Variants in LRMDA observed in about 807,000 individuals in gnomAD.
LRMDA encodes leucine rich melanocyte differentiation associated, also known as leucine-rich melanocyte differentiation-associated protein.
In LRMDA, 18 loss-of-function variants were observed where a neutral mutation model predicts 29.8. The observed-to-expected ratio is 0.60, with a 90% CI of 0.42 to 0.90. LRMDA has a LOEUF of 0.90. LRMDA is among the 40% of genes least tolerant of loss of function. LRMDA has a pLI of 0.00. For synonymous variants in LRMDA, 125 were observed against 109.4 expected (o/e 1.14, Z -0.89); for missense variants, 273 against 273.9 (o/e 1.00, Z 0.02).
chr10:76,399,980 A>G (rs1841831428), intron 6 of LRMDA, among the ~76,000 whole-genome samples: 1 of 152,076 alleles, frequency 6.6e-6, no homozygotes, highest in Non-Finnish European at 1.5e-5. Flanking sequence ...CCCTTGTGAG[A>G]TCTCCTCCCC....
intron 2 of LRMDA, among the ~76,000 whole-genome samples, chr10:75,457,925 G>T (rs564035018): frequency 3.3e-5 from 5 of 152,096 alleles, no homozygotes; most frequent in Non-Finnish European, 7.4e-5. Flanking sequence ...ACTCTTGCTA[G>T]TTTGAAGCTC....
chr10:75,895,553 T>C (rs1036965924), intron 2 of LRMDA, among the ~76,000 whole-genome samples: 1 of 152,208 alleles, frequency 6.6e-6, no homozygotes, highest in African/African-American at 2.4e-5. Flanking sequence ...TACTGTCTAC[T>C]CTGTTATAGG....
rs533821913 is a variant in LRMDA, at chr10:75,665,877, T to C, written c.131+227383T>C. Among the ~76,000 whole-genome samples, 202 of 152,336 alleles carry C rather than the reference T, an allele frequency of 1.3e-3. 2 individuals are homozygous for C. Among genetic ancestry groups the C allele is most frequent in the African/African-American group, 4.8e-3 (198 of 41,592 alleles). On this transcript the variant is annotated intron_variant, in intron 2 of 6. Transcript: ENST00000611255. The stretch of plus-strand genomic sequence containing the variant: ...CAAATGAATTGTGTGCCCTGTATTA[T>C]GCAATTGTTTCTTGTCCTGTGGATA...
intron 2 of LRMDA, among the ~76,000 whole-genome samples, chr10:75,981,094 T>G (rs1847161741): frequency 6.6e-6 from 1 of 152,258 alleles, no homozygotes; most frequent in South Asian, 2.1e-4. Flanking sequence ...CATTGTCTGC[T>G]TATTAAAGTG....
At chr10:76,052,951 C>G (rs1848554172) in intron 4 of LRMDA, among the ~76,000 whole-genome samples, 1 of 152,102 alleles carries the variant, frequency 6.6e-6, no homozygotes, top group Non-Finnish European at 1.5e-5. Context: ...GATCTCTTTT[C>G]ATTAAGCAGT....
chr10:76,144,248 T>C (rs1327301250), intron 5 of LRMDA, among the ~76,000 whole-genome samples: 1 of 152,216 alleles, frequency 6.6e-6, no homozygotes, highest in Non-Finnish European at 1.5e-5. Flanking sequence ...GGTAGCTTGA[T>C]GGAGATGGCA....
chr10:75,737,061 GCA>G (rs148786283), intron 2 of LRMDA, among the ~76,000 whole-genome samples: 1,496 of 147,544 alleles, frequency 0.01, 24 homozygotes, highest in African/African-American at 0.032. Flanking sequence ...ACGCACGCAC[GCA>G]CACACACACA....
chr10:75,859,600 T>TACACACACAC (rs71024575), intron 2 of LRMDA, among the ~76,000 whole-genome samples: 1,668 of 77,388 alleles, frequency 0.022, 14 homozygotes, highest in East Asian at 0.036. Context: ...ATTCAGGGCA[T>TACACACACAC]ACACACACAC....
intron 2 of LRMDA, among the ~76,000 whole-genome samples, chr10:75,583,660 C>G (rs922990602): frequency 6.6e-6 from 1 of 152,186 alleles, no homozygotes; most frequent in African/African-American, 2.4e-5. Flanking sequence ...GCTGACCTCA[C>G]TGCCTTTCCT....
At chr10:75,712,177 T>G (rs1463589429) in intron 2 of LRMDA, among the ~76,000 whole-genome samples, 1 of 152,128 alleles carries the variant, frequency 6.6e-6, no homozygotes, top group Admixed American at 6.5e-5. Flanking sequence ...CTGACTGGTG[T>G]GCAAATTGTT....
chr10:75,567,266 A>G lies in LRMDA; in HGVS notation c.131+128772A>G, dbSNP rs553491540. 8.5e-5 allele frequency among the ~76,000 whole-genome samples: 13 copies of G among 152,322 alleles called. No homozygotes were observed. In the South Asian group the frequency reaches 2.3e-3, roughly 27 times the overall value. On this transcript the variant is annotated intron_variant, in intron 2 of 6. Transcript: ENST00000611255. ...ACAGGCATCAAGGCCTTCCACATTC[A>G]GGTGCCCTTGCCTTCCTTCAGCCAC... is the stretch of plus-strand genomic sequence containing the variant.
At chr10:76,121,316 T>A (rs1276272445) in intron 5 of LRMDA, among the ~76,000 whole-genome samples, 1 of 152,164 alleles carries the variant, frequency 6.6e-6, no homozygotes, top group African/African-American at 2.4e-5. Context: ...AATGAGGCAA[T>A]TGTCTGGCAG....
chr10:76,184,333 G>A (rs1385991557), intron 5 of LRMDA, among the ~76,000 whole-genome samples: 5 of 152,118 alleles, frequency 3.3e-5, no homozygotes, highest in African/African-American at 7.2e-5. Context: ...ACCCGGACCC[G>A]GCCCTACATC....
At chr10:76,335,388 C>T (rs1035256652) in intron 6 of LRMDA, among the ~76,000 whole-genome samples, 1 of 152,096 alleles carries the variant, frequency 6.6e-6, no homozygotes, top group African/African-American at 2.4e-5. Flanking sequence ...AGGGAAGTAG[C>T]CAGGTGCTGC....
intron 2 of LRMDA, among the ~76,000 whole-genome samples, chr10:75,566,615 AGCTTCTCTCCTTTTGACTTCTTTAAT>A (rs1192041465): frequency 6.6e-6 from 1 of 151,892 alleles, no homozygotes; most frequent in Non-Finnish European, 1.5e-5. Context: ...TCTTCTTCAA[AGCTTCTCTCCTTTTGACTTCTTTAAT>A]GCTTCTCTAT....
At chr10:76,477,827 G>C (rs985357586) in intron 6 of LRMDA, among the ~76,000 whole-genome samples, 2 of 152,146 alleles carry the variant, frequency 1.3e-5, no homozygotes, top group South Asian at 2.1e-4. Context: ...AACAAATGGT[G>C]CTGGGAAAAC....
At position 75,563,429 on chromosome 10, in the gene LRMDA, G is replaced by T. The variant is rs972236594; in HGVS notation, c.131+124935G>T. Among the ~76,000 whole-genome samples the T allele has an allele frequency of 1.3e-3, 196 of 152,112 alleles. 1 individual carries two copies. The highest frequency in any genetic ancestry group is 4.5e-3 in the African/African-American group (188 of 41,446). ...TATTGGTTATGCTAGTTATACATTT[G>T]TCTAAATTTTTTTCAAAGTTTTTAA... On this transcript the variant is annotated intron_variant, in intron 2 of 6. Coordinates refer to ENST00000611255, the MANE Select transcript of LRMDA (RefSeq NM_001305581.2).
chr10:76,139,816 T>A (rs760322874), intron 5 of LRMDA, among the ~76,000 whole-genome samples: 3 of 152,126 alleles, frequency 2.0e-5, no homozygotes, highest in Non-Finnish European at 4.4e-5. Flanking sequence ...CTTCTGACAG[T>A]TATTGAGATT....
intron 5 of LRMDA, among the ~76,000 whole-genome samples, chr10:76,256,261 G>A (rs1387284655): frequency 1.3e-5 from 2 of 152,280 alleles, no homozygotes; most frequent in Non-Finnish European, 2.9e-5. Flanking sequence ...TGGTCACTGT[G>A]CTGAAATACT....
Sources: allele counts gnomAD v4.1 joint callset (sites outside exome capture counted in the v4.1 genomes callset), GRCh38; gene constraint gnomAD v4.1.1; transcripts MANE v1.5; gene names NCBI Gene and HGNC (gene_info 2026-07-23, HGNC 2026-07-21).